Variants in UPRT observed in about 807,000 individuals in gnomAD.
The protein encoded by UPRT is uracil phosphoribosyltransferase homolog.
A neutral mutation model predicts 22.6 loss-of-function variants in UPRT; 5 were observed. That is an observed-to-expected ratio of 0.22 (90% CI 0.12 to 0.47). The LOEUF is 0.47. Among genes scored for constraint, UPRT ranks in the 20% least tolerant of loss-of-function variants. UPRT has a pLI of 0.99. For synonymous variants in UPRT, 77 were observed against 87.7 expected (o/e 0.88, Z 0.68); for missense variants, 181 against 239.9 (o/e 0.75, Z 1.62).
intron 6 of UPRT, among the ~76,000 whole-genome samples, chrX:75,302,194 T>G (rs757599491): frequency 9.1e-4 from 101 of 111,561 alleles, no homozygotes; most frequent in African/African-American, 3.2e-3. Context: ...CTTTGCTGTT[T>G]CATAACTAAA....
chrX:75,189,049 C>T (rs1404941539), intron 4 of UPRT, among the ~76,000 whole-genome samples: 3 of 112,116 alleles, frequency 2.7e-5, no homozygotes, highest in Non-Finnish European at 5.6e-5. Flanking sequence ...CCCCCCGCTT[C>T]TCTAGTTCTT....
At chrX:75,191,893 A>G (rs2082316493) in intron 4 of UPRT, among the ~76,000 whole-genome samples, 2 of 110,642 alleles carry the variant, frequency 1.8e-5, no homozygotes, top group African/African-American at 6.6e-5. Context: ...GAATTCCCTG[A>G]CCCCTTGCAC....
At chrX:75,267,761 T>C (rs1165309198) in intron 4 of UPRT, among the ~76,000 whole-genome samples, 1 of 111,023 alleles carries the variant, frequency 9.0e-6, no homozygotes, top group Non-Finnish European at 1.9e-5. Flanking sequence ...ATTTAGAGCA[T>C]TGTTTAGAGG....
chrX:75,198,133 A>G (rs1487424864), intron 4 of UPRT, among the ~76,000 whole-genome samples: 2 of 112,964 alleles, frequency 1.8e-5, no homozygotes, highest in Non-Finnish European at 3.7e-5. Flanking sequence ...AAATTGTGGT[A>G]TATTCACACA....
chrX:75,248,284 C>A (rs1054032884), intron 4 of UPRT, among the ~76,000 whole-genome samples: 3 of 111,120 alleles, frequency 2.7e-5, no homozygotes, highest in Non-Finnish European at 5.7e-5. Context: ...AAGTTCAAAC[C>A]AATGGCAAAG....
At chrX:75,206,917 G>C (rs781221458) in intron 4 of UPRT, among the ~76,000 whole-genome samples, 1 of 112,285 alleles carries the variant, frequency 8.9e-6, no homozygotes, top group South Asian at 3.7e-4. Flanking sequence ...GCCCGCCTTG[G>C]CCTCCCAAAG....
chrX:75,195,598 C>G (rs971561960), intron 4 of UPRT, among the ~76,000 whole-genome samples: 2 of 112,074 alleles, frequency 1.8e-5, no homozygotes, highest in Non-Finnish European at 3.8e-5. Context: ...CGTGGGGTCT[C>G]CTGCTGCCAG....
chrX:75,282,444 G>A (rs2082662163), intron 1 of UPRT, among the ~76,000 whole-genome samples: 1 of 110,737 alleles, frequency 9.0e-6, no homozygotes, highest in Non-Finnish European at 1.9e-5. Context: ...TATGCCAGAG[G>A]TTTTGGGAGG....
At chrX:75,184,309 G>A (rs2082281508) in intron 4 of UPRT, among the ~76,000 whole-genome samples, 1 of 111,764 alleles carries the variant, frequency 8.9e-6, no homozygotes. Context: ...GTTTTCGTCA[G>A]GTTTGTCAAA....
At position 75,236,233 on chromosome X, in the gene UPRT, A is replaced by G. The variant is rs189543785; in HGVS notation, c.-446-54791A>G. 7.5e-4 allele frequency among the ~76,000 whole-genome samples: 84 copies of G among 111,660 alleles called. 1 individual carries two copies. The highest frequency in any genetic ancestry group is 2.6e-3 in the African/African-American group (80 of 30,719). ...AGAGAATAAAATACCGAGGAATCCA[A>G]CTTACAAGGGATGTGAAGGACCTCT... On this transcript the variant is annotated intron_variant, in intron 4 of 13. Coordinates refer to the UPRT transcript ENST00000652605.
chrX:75,283,428 G>T (rs1429068852), intron 1 of UPRT, among the ~76,000 whole-genome samples: 5 of 111,118 alleles, frequency 4.5e-5, no homozygotes, highest in African/African-American at 1.6e-4. Flanking sequence ...CTGTTTTGAT[G>T]TGTTTCCAGG....
intron 4 of UPRT, among the ~76,000 whole-genome samples, chrX:75,204,403 A>G (rs1243957303): frequency 3.5e-5 from 4 of 112,843 alleles, no homozygotes; most frequent in East Asian, 2.8e-4. Context: ...CTCACCTGCC[A>G]GCAGGCAAAG....
intron 4 of UPRT, among the ~76,000 whole-genome samples, chrX:75,171,626 T>C (rs1029154959): frequency 2.1e-5 from 2 of 93,308 alleles, no homozygotes. Flanking sequence ...GCTAGTGTGA[T>C]TTTTGGGGGG....
chrX:75,302,643 GTTAT>G (rs1276280610), intron 6 of UPRT, among the ~76,000 whole-genome samples: 2 of 111,085 alleles, frequency 1.8e-5, no homozygotes, highest in Admixed American at 9.6e-5. Flanking sequence ...TTGAATATAT[GTTAT>G]TTATTTAACC....
intron 3 of UPRT, among the ~76,000 whole-genome samples, chrX:75,166,933 G>A (rs1272159423): frequency 8.9e-6 from 1 of 112,032 alleles, no homozygotes; most frequent in Admixed American, 9.5e-5. Context: ...TCCATTGCAT[G>A]AATATTCCAT....
chrX:75,169,084 C>T (rs1175797296), intron 4 of UPRT, among the ~76,000 whole-genome samples: 1 of 111,798 alleles, frequency 8.9e-6, no homozygotes, highest in Non-Finnish European at 1.9e-5. Context: ...CCAATCCCAT[C>T]CAGGTTGCTG....
intron 4 of UPRT, among the ~76,000 whole-genome samples, chrX:75,242,695 G>A (rs2082492197): frequency 9.0e-6 from 1 of 110,859 alleles, no homozygotes; most frequent in Non-Finnish European, 1.9e-5. Context: ...TTGTTGGAAG[G>A]TTTAAGTGAG....
chrX:75,170,562 AG>A (rs1484248458), intron 4 of UPRT, among the ~76,000 whole-genome samples: 3 of 111,909 alleles, frequency 2.7e-5, no homozygotes, highest in African/African-American at 9.8e-5. Context: ...TAGAGCATTT[AG>A]GCCATTTACA....
At chrX:75,290,662 G>A (rs779663894) in intron 1 of UPRT, among the ~76,000 whole-genome samples, 16 of 111,538 alleles carry the variant, frequency 1.4e-4, no homozygotes, top group Admixed American at 1.9e-4. Context: ...GGATGCAGCT[G>A]GAGGCCATTA....
Sources: allele counts gnomAD v4.1 joint callset (sites outside exome capture counted in the v4.1 genomes callset), GRCh38; gene constraint gnomAD v4.1.1; transcripts MANE v1.5; gene names NCBI Gene and HGNC (gene_info 2026-07-23, HGNC 2026-07-21).